The following RORB variants were observed in gnomAD, a reference collection of about 807,000 sequenced individuals.
RORB encodes the protein nuclear receptor ROR-beta.
A neutral mutation model predicts 59.1 loss-of-function variants in RORB; 6 were observed. The ratio of observed to expected loss-of-function variants is 0.10; its 90% CI spans 0.06 to 0.20. The LOEUF (loss-of-function observed/expected upper bound fraction) is 0.20, where lower values mean the gene tolerates loss of function less well. Ranked by LOEUF, RORB falls within the 10% of genes least tolerant of loss-of-function variation. RORB has a pLI of 1.00. For missense variants in RORB, 320 were observed against 560.5 expected (o/e 0.57, Z 4.33); for synonymous variants, 215 against 204.5 (o/e 1.05, Z -0.44).
intron 1 of RORB, among the ~76,000 whole-genome samples, chr9:74,579,889 G>A (rs113995039): frequency 6.6e-6 from 1 of 152,042 alleles, no homozygotes; most frequent in Admixed American, 6.6e-5. Flanking sequence ...CTTATCCACG[G>A]TTTCGCCTTC....
Position 74,509,952 on chromosome 9 carries a change from C to T in RORB, c.7+11969C>T, listed in dbSNP as rs184960115. 2.4e-3 allele frequency among the ~76,000 whole-genome samples: 370 copies of T among 152,222 alleles called. 2 individuals carry two copies. Among genetic ancestry groups the T allele is most frequent in the Non-Finnish European group, 4.6e-3 (311 of 67,972 alleles). ...CAATTTAATTTGTTTTGCATTTTGG[C>T]TGAAACATAATATTCCTTACATCAA... On this transcript the variant is annotated intron_variant, in intron 1 of 9. Coordinates refer to ENST00000376896, the MANE Select transcript of RORB (RefSeq NM_006914.4).
Position 74,497,883 on chromosome 9 carries a change from C to G in RORB, c.-94C>G. The G allele has an allele frequency of 6.7e-7, 1 of 1,493,596 alleles. No individual in the cohort carries two copies. Among genetic ancestry groups the G allele is most frequent in the Non-Finnish European group, 9.2e-7 (1 of 1,086,458 alleles). 92.5% of individuals were successfully genotyped at this position (1,493,596 alleles called of 1,614,324 possible). A position where few individuals can be genotyped will look rare whatever the true frequency, so the allele number is the denominator to read the frequency against. ...GGCAGAGCAGCTCTTCGCCGACCAC[C>G]TTCTTCACTCGTGCTGAGCGGGATT... On this transcript the variant is annotated 5_prime_UTR_variant, in exon 1 of 10. Transcript: ENST00000376896.
chr9:74,498,391 CG>C (rs1386888360), intron 1 of RORB: 2 of 174,850 alleles, frequency 1.1e-5, no homozygotes, highest in African/African-American at 4.8e-5. Context: ...GGTTTGGGCG[CG>C]CGGGGCGCAC....
At chr9:74,558,050 T>G (rs1378134701) in intron 1 of RORB, among the ~76,000 whole-genome samples, 1 of 152,162 alleles carries the variant, frequency 6.6e-6, no homozygotes, top group African/African-American at 2.4e-5. Context: ...AGCAAACAAT[T>G]ATTAGCAGAT....
chr9:74,545,099 GTT>G (rs113301176), intron 1 of RORB, among the ~76,000 whole-genome samples: 2 of 143,800 alleles, frequency 1.4e-5, no homozygotes, highest in African/African-American at 2.5e-5. Context: ...CTGCGAGCAG[GTT>G]TTTTTTTTTT....
At chr9:74,640,130 ATTGT>A (rs755664218) in intron 3 of RORB, among the ~76,000 whole-genome samples, 53 of 152,342 alleles carry the variant, frequency 3.5e-4, no homozygotes, top group Admixed American at 1.3e-3. Flanking sequence ...AATGAGTCAG[ATTGT>A]TTGTCTTCAC....
chr9:74,653,004 A>G (rs368127553), intron 4 of RORB, among the ~76,000 whole-genome samples: 59 of 152,322 alleles, frequency 3.9e-4, no homozygotes, highest in African/African-American at 1.3e-3. Flanking sequence ...CTAAATAGGG[A>G]TTAGAAAAAT....
chr9:74,503,639 A>T (rs148959550), intron 1 of RORB, among the ~76,000 whole-genome samples: 1 of 152,174 alleles, frequency 6.6e-6, no homozygotes, highest in East Asian at 1.9e-4. Context: ...GGAATCAAAG[A>T]ATTCAGGACT....
chr9:74,522,356 C>T (rs1826095552), intron 1 of RORB, among the ~76,000 whole-genome samples: 1 of 151,696 alleles, frequency 6.6e-6, no homozygotes, highest in Admixed American at 6.6e-5. Flanking sequence ...TTCAAAATAA[C>T]TGACATCAAA....
intron 4 of RORB, among the ~76,000 whole-genome samples, chr9:74,657,568 C>G (rs887669699): frequency 6.6e-6 from 1 of 152,192 alleles, no homozygotes; most frequent in Non-Finnish European, 1.5e-5. Flanking sequence ...GCTCATCCTT[C>G]AAGACCCAGG....
chr9:74,531,760 T>C (rs917738435), intron 1 of RORB, among the ~76,000 whole-genome samples: 3 of 152,008 alleles, frequency 2.0e-5, no homozygotes, highest in Admixed American at 1.3e-4. Flanking sequence ...AGAATAGCTT[T>C]TCTCTTTCCA....
At chr9:74,523,261 CTT>C (rs1235227010) in intron 1 of RORB, among the ~76,000 whole-genome samples, 1 of 151,440 alleles carries the variant, frequency 6.6e-6, no homozygotes, top group Non-Finnish European at 1.5e-5. Flanking sequence ...ATCTTTTCGT[CTT>C]GTTTCCCTCT....
At chr9:74,621,341 T>A (rs1251746084) in intron 1 of RORB, among the ~76,000 whole-genome samples, 1 of 152,202 alleles carries the variant, frequency 6.6e-6, no homozygotes, top group African/African-American at 2.4e-5. Flanking sequence ...TGAAAAATAT[T>A]ATGTAGCTGG....
chr9:74,507,012 T>C (rs190474314), intron 1 of RORB, among the ~76,000 whole-genome samples: 20 of 152,208 alleles, frequency 1.3e-4, no homozygotes, highest in Admixed American at 1.0e-3. Context: ...CTGTAACTTT[T>C]ACTAGCCTGA....
intron 1 of RORB, among the ~76,000 whole-genome samples, chr9:74,564,614 G>A (rs964755481): frequency 5.9e-5 from 9 of 152,140 alleles, no homozygotes; most frequent in African/African-American, 2.2e-4. Flanking sequence ...TCATTACTTT[G>A]TATAGCCGAC....
intron 9 of RORB, among the ~76,000 whole-genome samples, chr9:74,675,494 A>G (rs1481863804): frequency 1.3e-5 from 2 of 152,114 alleles, no homozygotes; most frequent in East Asian, 1.9e-4. Flanking sequence ...AAAGAGAAAA[A>G]CAAAGGTTCC....
At chr9:74,648,321 T>TA (rs1335917706) in intron 4 of RORB, among the ~76,000 whole-genome samples, 2 of 152,222 alleles carry the variant, frequency 1.3e-5, no homozygotes, top group African/African-American at 2.4e-5. Flanking sequence ...CTCTGCATAC[T>TA]AGCCATGTGA....
At position 74,543,347 on chromosome 9, in the gene RORB, G is replaced by A. The variant is rs561818523; in HGVS notation, c.7+45364G>A. On this transcript the variant is annotated intron_variant, in intron 1 of 9. Coordinates refer to ENST00000376896, the MANE Select transcript of RORB (RefSeq NM_006914.4). ...GTGTGGAACACCCCTTTGAGGAGGA[G>A]CTGCATCATCACATGCCACTCGTCC... 1.4e-4 allele frequency among the ~76,000 whole-genome samples: 22 copies of A among 152,326 alleles called. No homozygotes were observed. The South Asian group carries it at 3.7e-3, about 26-fold the overall frequency.
chr9:74,655,929 T>G (rs1249021672), intron 4 of RORB, among the ~76,000 whole-genome samples: 1 of 152,210 alleles, frequency 6.6e-6, no homozygotes, highest in African/African-American at 2.4e-5. Flanking sequence ...GAGGAATGTG[T>G]CTGCAATTGC....
Sources: gnomAD v4.1 joint callset for allele counts (sites outside exome capture counted in the v4.1 genomes callset) on GRCh38, gnomAD v4.1.1 for gene constraint, MANE v1.5 for transcripts, NCBI Gene and HGNC (gene_info 2026-07-23, HGNC 2026-07-21) for gene names.